The following NIPBL variants were observed in gnomAD, a reference collection of about 807,000 sequenced individuals.
The protein encoded by NIPBL is nipped-B-like protein.
NIPBL carries 19 observed loss-of-function variants against 321.8 expected under a neutral mutation model. That is an observed-to-expected ratio of 0.06 (90% confidence interval 0.04 to 0.09). The LOEUF is 0.09. Among genes scored for constraint, NIPBL ranks in the 10% least tolerant of loss-of-function variants. The pLI, the probability that NIPBL is intolerant of heterozygous loss-of-function variation, is 1.00. For synonymous variants in NIPBL, 1,106 were observed against 1,114.1 expected (o/e 0.99, Z 0.14); for missense variants, 2,210 against 3,327.0 (o/e 0.66, Z 8.26).
At chr5:37,009,181 T>G (rs1003641712) in intron 20 of NIPBL, among the ~76,000 whole-genome samples, 7 of 152,046 alleles carry the variant, frequency 4.6e-5, no homozygotes, top group African/African-American at 1.7e-4. Flanking sequence ...GTTGGAAATA[T>G]GGCTCAAAAT....
chr5:36,989,824 G>A (rs1745274884), intron 10 of NIPBL, among the ~76,000 whole-genome samples: 2 of 136,830 alleles, frequency 1.5e-5, no homozygotes, highest in South Asian at 4.7e-4. Context: ...GGGTGACAGA[G>A]CGAGACTCTG....
chr5:36,953,672 G>A lies in NIPBL; in HGVS notation c.-25G>A. 4 of 1,608,426 alleles carry A rather than the reference G, an allele frequency of 2.5e-6. No individual in the cohort carries two copies. Among genetic ancestry groups the A allele is most frequent in the Non-Finnish European group, 3.4e-6 (4 of 1,174,852 alleles). On this transcript the variant is annotated 5_prime_UTR_variant, in exon 2 of 47. Transcript: ENST00000282516. ...GGCACCTGAACTAAGTACTTTTATAGGCAACACCATTCCAGAAATTCAGGA... is the reference window on the plus strand; with the variant it reads ...GGCACCTGAACTAAGTACTTTTATAAGCAACACCATTCCAGAAATTCAGGA...
At chr5:36,919,531 G>A (rs1161637351) in intron 1 of NIPBL, among the ~76,000 whole-genome samples, 2 of 151,944 alleles carry the variant, frequency 1.3e-5, no homozygotes, top group African/African-American at 4.8e-5. Context: ...GTGCTTCTGT[G>A]AACTTTATTT....
At position 36,996,291 on chromosome 5, in the gene NIPBL, CTTGAG is replaced by C. The variant is rs1249809820; in HGVS notation, c.3304+494_3304+498del. 1.2e-4 allele frequency among the ~76,000 whole-genome samples: 18 copies of C among 152,252 alleles called. No homozygotes were observed. Among genetic ancestry groups the C allele is most frequent in the Admixed American group, 1.0e-3 (16 of 15,282 alleles). On this transcript the variant is annotated intron_variant, in intron 11 of 46. Coordinates refer to ENST00000282516, the MANE Select transcript of NIPBL (RefSeq NM_133433.4). This position sits in a 1 kb window ranked among gnomAD's most constrained non-coding sequence, Gnocchi z 5.0. ...GGAATGCTTACTGGAAGAGGTGACA[CTTGAG>C]TTGAGTCTTGAAGGACACGTAGGAG...
intron 8 of NIPBL, 53 bp downstream of exon 8, chr5:36,972,094 A>G: frequency 3.3e-6 from 4 of 1,213,440 alleles, no homozygotes; most frequent in Non-Finnish European, 4.9e-6. Context: ...GAAGTTGAAT[A>G]AAGAACTCAG....
chr5:37,022,782 T>C (rs1356297470), intron 29 of NIPBL, among the ~76,000 whole-genome samples: 8 of 152,210 alleles, frequency 5.3e-5, no homozygotes, highest in Admixed American at 5.2e-4. Flanking sequence ...TACAGAACGT[T>C]GGTACCTGAC....
intron 1 of NIPBL, among the ~76,000 whole-genome samples, chr5:36,942,651 G>A (rs1487041919): frequency 6.7e-6 from 1 of 148,940 alleles, no homozygotes. Flanking sequence ...TGAGGCACGA[G>A]AATCACATGA....
chr5:36,955,654 T>G lies in NIPBL; in HGVS notation c.230+17T>G. 6.2e-7 allele frequency: 1 copy of G among 1,606,546 alleles called. No homozygotes were observed. The highest frequency in any genetic ancestry group is 8.5e-7 in the Non-Finnish European group (1 of 1,173,638). On this transcript the variant is annotated intron_variant, in intron 3 of 46. Coordinates refer to ENST00000282516, the MANE Select transcript of NIPBL (RefSeq NM_133433.4). ...AGATCACATGTAAGTATGATCAATT[T>G]TATATCTACTATAAGTGAAAAGTTT...
intron 1 of NIPBL, among the ~76,000 whole-genome samples, chr5:36,940,691 A>G (rs1738969816): frequency 6.6e-6 from 1 of 152,174 alleles, no homozygotes; most frequent in African/African-American, 2.4e-5. Context: ...TGGAATGTTA[A>G]GAGTGGGGAT....
At chr5:36,970,139 A>T (rs1379776771) in intron 6 of NIPBL, among the ~76,000 whole-genome samples, 1 of 152,136 alleles carries the variant, frequency 6.6e-6, no homozygotes, top group Non-Finnish European at 1.5e-5. Flanking sequence ...CTGTAATCCC[A>T]GTGCTTTGGG....
chr5:36,986,032 G>A lies in NIPBL; in HGVS notation c.2852G>A (p.Gly951Asp), dbSNP rs1483295105. The part of the protein sequence containing the change: ...FPSYLLGGRS[G>D]ALKNFVIPKI... ...AGTTATTTGTTGGGGGGCAGGTCTG[G>A]TGCGTTGAAAAATTTTGTCATTCCG... The change falls in exon 10 of 47, where the codon GGT (glycine) becomes GAT (aspartate). Residue 951 changes from glycine (G) to aspartate (D), a missense_variant. Around this residue, in one of 14 missense-constraint regions of NIPBL, gnomAD observed 588 missense variants for 564.1 expected, o/e 1.04. Transcript: ENST00000282516. 6.2e-7 allele frequency: 1 copy of A among 1,613,824 alleles called. No individual in the cohort carries two copies. The highest frequency in any genetic ancestry group is 8.5e-7 in the Non-Finnish European group (1 of 1,179,944).
At chr5:36,902,673 G>A (rs1747323191) in intron 1 of NIPBL, among the ~76,000 whole-genome samples, 1 of 152,096 alleles carries the variant, frequency 6.6e-6, no homozygotes, top group African/African-American at 2.4e-5. Context: ...AAGTTGGATG[G>A]TGTGATGCCT....
At chr5:37,027,256 A>G in intron 31 of NIPBL, 103 bp from the exon 32 acceptor site, 1 of 908,868 alleles carries the variant, frequency 1.1e-6, no homozygotes, top group Non-Finnish European at 1.8e-6. Flanking sequence ...AAACTTTTGA[A>G]TTGAGAAAAT....
At chr5:36,943,081 T>C (rs1410738875) in intron 1 of NIPBL, among the ~76,000 whole-genome samples, 1 of 152,144 alleles carries the variant, frequency 6.6e-6, no homozygotes, top group Non-Finnish European at 1.5e-5. Context: ...TGTCATATTG[T>C]TTTTTCTCAA....
chr5:36,988,809 T>A (rs1745140545), intron 10 of NIPBL, among the ~76,000 whole-genome samples: 1 of 152,170 alleles, frequency 6.6e-6, no homozygotes, highest in African/African-American at 2.4e-5. Flanking sequence ...TTTTACCTGA[T>A]GTTCATATAG....
At chr5:36,993,364 G>T (rs1282553964) in intron 10 of NIPBL, among the ~76,000 whole-genome samples, 1 of 152,124 alleles carries the variant, frequency 6.6e-6, no homozygotes, top group Non-Finnish European at 1.5e-5. Flanking sequence ...TAGTATTCTT[G>T]TTAATGTAGG....
Position 37,005,174 on chromosome 5 carries a change from G to T in NIPBL, c.3856-1183G>T, listed in dbSNP as rs900831008. 1.3e-4 allele frequency among the ~76,000 whole-genome samples: 20 copies of T among 152,172 alleles called. 1 individual carries two copies. Among genetic ancestry groups the T allele is most frequent in the Non-Finnish European group, 7.4e-5 (5 of 68,026 alleles). On this transcript the variant is annotated intron_variant, in intron 16 of 46. Transcript: ENST00000282516. The stretch of plus-strand genomic sequence containing the variant: ...CCACTGTGGCCCAGGGAAGCCAAAA[G>T]ATTGGACACTTCTGGAATAAAATAT...
At chr5:36,978,984 A>T (rs1743836932) in intron 9 of NIPBL, among the ~76,000 whole-genome samples, 1 of 151,808 alleles carries the variant, frequency 6.6e-6, no homozygotes, top group Non-Finnish European at 1.5e-5. Context: ...TGTTTTGCTT[A>T]CTCTAGTCTT....
intron 1 of NIPBL, among the ~76,000 whole-genome samples, chr5:36,888,543 T>A (rs1360795532): frequency 1.3e-5 from 2 of 152,140 alleles, no homozygotes; most frequent in African/African-American, 4.8e-5. Flanking sequence ...TTTACTTAAA[T>A]AACATTTTCA....
Sources: allele counts gnomAD v4.1 joint callset (sites outside exome capture counted in the v4.1 genomes callset), GRCh38; gene constraint gnomAD v4.1.1; regional missense constraint gnomAD v4.1.1; non-coding constraint Gnocchi (gnomAD v3.1); transcripts MANE v1.5; gene names NCBI Gene and HGNC (gene_info 2026-07-23, HGNC 2026-07-21).